Variants in KIF3C observed in about 807,000 individuals in gnomAD.
KIF3C encodes the protein kinesin family member 3C.
Under a neutral mutation model 67.7 loss-of-function variants are expected in KIF3C, and 12 were observed. The ratio of observed to expected loss-of-function variants is 0.18; its 90% CI spans 0.11 to 0.29. The LOEUF (loss-of-function observed/expected upper bound fraction) is 0.29, where lower values mean the gene tolerates loss of function less well. Ranked by LOEUF, KIF3C falls within the 10% of genes least tolerant of loss-of-function variation. The probability of loss-of-function intolerance (pLI) is 1.00; values close to 1 mark genes in which losing one functional copy is unlikely to be tolerated. For missense variants in KIF3C, 789 were observed against 1,059.6 expected, an observed-to-expected ratio of 0.74 and a Z score of 3.55; for synonymous variants, 393 against 426.2, an observed-to-expected ratio of 0.92 and a Z score of 0.96.
chr2:25,950,076 G>C (rs1357301065), intron 5 of KIF3C, among the ~76,000 whole-genome samples: 1 of 151,500 alleles, frequency 6.6e-6, no homozygotes, highest in African/African-American at 2.4e-5. Context: ...ATTTTTAGTA[G>C]AGACGGGGTT....
intron 3 of KIF3C, 49 bp from the exon 4 acceptor site, chr2:25,954,434 GC>G: frequency 7.0e-7 from 1 of 1,435,926 alleles, no homozygotes. Flanking sequence ...TGGCAACGAG[GC>G]CCCAGTCACC....
At chr2:25,975,364 G>A (rs1476419253) in intron 1 of KIF3C, among the ~76,000 whole-genome samples, 1 of 152,002 alleles carries the variant, frequency 6.6e-6, no homozygotes, top group Non-Finnish European at 1.5e-5. Context: ...GTTTCTCCAT[G>A]TTGTCCAGGC....
At chr2:25,969,022 C>T (rs907783840) in intron 1 of KIF3C, among the ~76,000 whole-genome samples, 2 of 152,038 alleles carry the variant, frequency 1.3e-5, no homozygotes, top group South Asian at 2.1e-4. Flanking sequence ...CAGGGTTTCG[C>T]CACGTTGGTC....
At position 25,956,349 on chromosome 2, in the gene KIF3C, G is replaced by A. The variant is rs542037236; in HGVS notation, c.1641C>T (p.Ala547=). ...TGGCACCTGGAGGCCCTACCTGCTC[G>A]GCAATCTCCTGCCTCTTCAGTTCCA... ...KMLELKRQEI[A]EQKRREREMQ... Residue 547 remains alanine (A), a synonymous_variant, in exon 2 of 8, where the codon GCC becomes GCT. Transcript: ENST00000264712. The A allele has an allele frequency of 2.9e-5, 47 of 1,613,588 alleles. No homozygotes were observed. Among genetic ancestry groups the A allele is most frequent in the Non-Finnish European group, 2.8e-5 (33 of 1,179,740 alleles).
At chr2:25,977,120 C>T (rs1261725448) in intron 1 of KIF3C, among the ~76,000 whole-genome samples, 1 of 151,936 alleles carries the variant, frequency 6.6e-6, no homozygotes, top group African/African-American at 2.4e-5. Flanking sequence ...AACTCTCACA[C>T]ATTTGCACAC....
intron 1 of KIF3C, among the ~76,000 whole-genome samples, chr2:25,962,488 C>G (rs577448709): frequency 6.6e-6 from 1 of 151,646 alleles, no homozygotes; most frequent in African/African-American, 2.4e-5. Flanking sequence ...AAATGAGTCT[C>G]CTGTCTCAGC....
chr2:25,934,184 A>G (rs1354376941), intron 5 of KIF3C: 1 of 470,974 alleles, frequency 2.1e-6, no homozygotes, highest in Admixed American at 2.4e-5. Context: ...ATAGAAACAG[A>G]AAGTAGATTG....
intron 5 of KIF3C, among the ~76,000 whole-genome samples, chr2:25,931,687 G>GAGTGC (rs1313744668): frequency 6.6e-6 from 1 of 151,224 alleles, no homozygotes; most frequent in East Asian, 1.9e-4. Context: ...ACCCAGGCTG[G>GAGTGC]AGTGCAGTGG....
chr2:25,954,282 C>T lies in KIF3C; in HGVS notation c.1874G>A (p.Arg625His), dbSNP rs1663740626. 2 of 1,613,834 alleles carry T rather than the reference C, an allele frequency of 1.2e-6. No individual in the cohort carries two copies. The highest frequency in any genetic ancestry group is 1.7e-6 in the Non-Finnish European group (2 of 1,179,780). Residue 625 changes from arginine to histidine, a missense_variant, in exon 4 of 8, where the codon CGC becomes CAC. Arg to His is a conservative substitution (Grantham distance 29). Around this residue, in one of 2 missense-constraint regions of KIF3C, gnomAD observed 648 missense variants for 807.8 expected, o/e 0.80. Coordinates refer to ENST00000264712, the MANE Select transcript of KIF3C (RefSeq NM_002254.8). Reference sequence around the variant, plus strand: ...CGGGCCCTACTTGAGCTTGAGTTCGCGGGTCTGCTCGTTCTGCGCCTCCTC... The same window carrying T: ...CGGGCCCTACTTGAGCTTGAGTTCGTGGGTCTGCTCGTTCTGCGCCTCCTC... Reference protein sequence around the residue: ...DLEEAQNEQTRELKLKYLIIE... With the variant: ...DLEEAQNEQTHELKLKYLIIE...
chr2:25,980,413 C>T lies in KIF3C; in HGVS notation c.1505G>A (p.Arg502Gln), dbSNP rs765996171. 25 of 1,613,842 alleles carry T rather than the reference C, an allele frequency of 1.5e-5. No homozygotes were observed. Among genetic ancestry groups the T allele is most frequent in the South Asian group, 4.4e-5 (4 of 91,072 alleles). Reference sequence around the variant, plus strand: ...AAGCAGCTCTGTGGCCTGCTGTTCCCGCCGCAGGTCCTCCAGCATCTTCTC... The same window carrying T: ...AAGCAGCTCTGTGGCCTGCTGTTCCTGCCGCAGGTCCTCCAGCATCTTCTC... ...EKEKMLEDLR[R>Q]EQQATELLAA... The change falls in exon 1 of 8, where the codon CGG (arginine) becomes CAG (glutamine). Residue 502 changes from arginine (R) to glutamine (Q), a missense_variant. Physicochemically the swap from Arg to Gln is conservative, Grantham distance 43. Coordinates refer to ENST00000264712, the MANE Select transcript of KIF3C (RefSeq NM_002254.8). The surrounding 1 kb of genome is among the most constrained non-coding windows in gnomAD (Gnocchi z 7.6).
At chr2:25,967,821 G>A (rs1316874166) in intron 1 of KIF3C, among the ~76,000 whole-genome samples, 2 of 152,084 alleles carry the variant, frequency 1.3e-5, no homozygotes, top group Admixed American at 6.6e-5. Context: ...GTGAGACCCT[G>A]TCTCAAAAAA....
At chr2:25,950,748 A>G (rs1304038795) in intron 5 of KIF3C, among the ~76,000 whole-genome samples, 1 of 152,106 alleles carries the variant, frequency 6.6e-6, no homozygotes, top group East Asian at 1.9e-4. Context: ...ATCTCTACCT[A>G]GATTGGAAAG....
chr2:25,954,367 C>T lies in KIF3C; in HGVS notation c.1789G>A (p.Ala597Thr), dbSNP rs1051864942. The part of the protein sequence containing the change: ...KLKKLYAKLQ[A>T]VKAEIQDQHD... ...TGGTCCTGGATCTCCGCCTTCACCG[C>T]CTGCAGCTTGGCGTAGAGCTGGGTG... is the stretch of plus-strand genomic sequence containing the variant. The change falls in exon 4 of 8, where the codon GCG (alanine) becomes ACG (threonine). Residue 597 changes from alanine to threonine, a missense_variant. Ala to Thr is a moderately conservative substitution (Grantham distance 58). Transcript: ENST00000264712. The T allele has an allele frequency of 6.2e-7, 1 of 1,613,782 alleles. No homozygotes were observed. The highest frequency in any genetic ancestry group is 8.5e-7 in the Non-Finnish European group (1 of 1,179,980).
chr2:25,942,249 T>C (rs1273707916), intron 5 of KIF3C, among the ~76,000 whole-genome samples: 1 of 151,108 alleles, frequency 6.6e-6, no homozygotes. Context: ...TCCCAGCTAC[T>C]CGGGAGGCTG....
Position 25,958,045 on chromosome 2 carries a change from G to A in KIF3C, c.1546-1601C>T, listed in dbSNP as rs145263439. 1.3e-5 allele frequency among the ~76,000 whole-genome samples: 2 copies of A among 152,172 alleles called. No homozygotes were observed. Among genetic ancestry groups the A allele is most frequent in the African/African-American group, 2.4e-5 (1 of 41,564 alleles). Reference sequence around the variant, plus strand: ...GAATCCCTTACACTGCATCCTCAGCGACTCACCTGCCTCGCCTCATCCCTG... The same window carrying A: ...GAATCCCTTACACTGCATCCTCAGCAACTCACCTGCCTCGCCTCATCCCTG... On this transcript the variant is annotated intron_variant, in intron 1 of 7. Transcript: ENST00000264712. This position sits in a 1 kb window ranked among gnomAD's most constrained non-coding sequence, Gnocchi z 4.5.
At chr2:25,967,294 C>A (rs1272889280) in intron 1 of KIF3C, among the ~76,000 whole-genome samples, 1 of 151,982 alleles carries the variant, frequency 6.6e-6, no homozygotes, top group Non-Finnish European at 1.5e-5. Context: ...CAGAGAGAGG[C>A]TAAAAACTCT....
intron 5 of KIF3C, among the ~76,000 whole-genome samples, chr2:25,940,533 G>GTACT (rs1271238910): frequency 1.3e-5 from 2 of 150,644 alleles, no homozygotes; most frequent in East Asian, 4.0e-4. Flanking sequence ...TCACGCCACT[G>GTACT]TACTCCAGCC....
rs1337014252 is a variant in KIF3C at position 25,958,065 on chromosome 2, T to TCCCTG, written c.1546-1626_1546-1622dup. Among the ~76,000 whole-genome samples the TCCCTG allele has an allele frequency of 6.6e-6, 1 of 152,154 alleles. No individual in the cohort carries two copies. Among genetic ancestry groups the TCCCTG allele is most frequent in the Non-Finnish European group, 1.5e-5 (1 of 68,022 alleles). On this transcript the variant is annotated intron_variant, in intron 1 of 7. Coordinates refer to ENST00000264712, the MANE Select transcript of KIF3C (RefSeq NM_002254.8). The surrounding 1 kb of genome is among the most constrained non-coding windows in gnomAD (Gnocchi z 4.5). ...TCAGCGACTCACCTGCCTCGCCTCATCCCTGCCCTGCCTCTCATCCGTTGC... is the reference window on the plus strand; with the variant it reads ...TCAGCGACTCACCTGCCTCGCCTCATCCCTGCCCTGCCCTGCCTCTCATCCGTTGC...
intron 1 of KIF3C, among the ~76,000 whole-genome samples, chr2:25,975,029 A>AAAAAAAAAAAAT (rs1664376832): frequency 6.6e-6 from 1 of 151,128 alleles, no homozygotes; most frequent in South Asian, 2.1e-4. Flanking sequence ...TCCATCTCAA[A>AAAAAAAAAAAAT]AAAAAAAAAA....
Sources: gnomAD v4.1 joint callset for allele counts (sites outside exome capture counted in the v4.1 genomes callset) on GRCh38, gnomAD v4.1.1 for gene constraint, gnomAD v4.1.1 regional missense constraint, Gnocchi (gnomAD v3.1) non-coding constraint, MANE v1.5 for transcripts, NCBI Gene and HGNC (gene_info 2026-07-23, HGNC 2026-07-21) for gene names.